The following P2RX3 variants were observed in gnomAD, a reference collection of about 807,000 sequenced individuals.
P2RX3 encodes P2X purinoceptor 3.
A neutral mutation model predicts 51.5 loss-of-function variants in P2RX3; 41 were observed. The observed-to-expected ratio is 0.80, with a 90% confidence interval of 0.62 to 1.03. The LOEUF is 1.03. Ranked by LOEUF, P2RX3 falls within the 50% of genes least tolerant of loss-of-function variation. The probability of loss-of-function intolerance (pLI) is 0.00; values close to 1 mark genes in which losing one functional copy is unlikely to be tolerated. For synonymous variants in P2RX3, 185 were observed against 191.6 expected (o/e 0.97, Z 0.29); for missense variants, 459 against 522.1 (o/e 0.88, Z 1.18).
rs370633407 is a variant in P2RX3 at position 57,348,243 on chromosome 11, G to A, written c.465G>A (p.Thr155=). The change falls in exon 5 of 12, where the codon ACG becomes ACA. Residue 155 remains threonine (T), a synonymous_variant. Coordinates refer to ENST00000263314, the MANE Select transcript of P2RX3 (RefSeq NM_002559.5). The stretch of plus-strand genomic sequence containing the variant: ...GTGAGATCCAGGGCTGGTGCCCCAC[G>A]GAGGTGGACACAGTGGAAACGTAAG... ...RTCEIQGWCP[T]EVDTVETPIM... is the part of the protein sequence containing the mutation. 3.1e-6 allele frequency: 5 copies of A among 1,604,034 alleles called. No individual in the cohort carries two copies. Among genetic ancestry groups the A allele is most frequent in the African/African-American group, 2.7e-5 (2 of 74,836 alleles).
At chr11:57,339,524 C>CAA (rs1001021666) in intron 1 of P2RX3, among the ~76,000 whole-genome samples, 1 of 151,872 alleles carries the variant, frequency 6.6e-6, no homozygotes, top group Non-Finnish European at 1.5e-5. Context: ...CACCTACACA[C>CAA]ACACACACAC....
At chr11:57,346,514 T>C (rs756826200) in intron 1 of P2RX3, 30 bp from the exon 2 acceptor site, 2 of 1,611,394 alleles carry the variant, frequency 1.2e-6, no homozygotes, top group East Asian at 2.2e-5. Context: ...GACTCCTCTC[T>C]TTCTCTTCAT....
In P2RX3 at chr11:57,370,029, G is replaced by A. The variant is rs375675131; in HGVS notation, c.*32G>A. ...TTTCCAGGGCCCCACACTCACAAAG[G>A]CTCCAGGCCTCCCCACAGAGGACCC... On this transcript the variant is annotated 3_prime_UTR_variant, in exon 12 of 12. Coordinates refer to ENST00000263314, the MANE Select transcript of P2RX3 (RefSeq NM_002559.5). The A allele has an allele frequency of 6.7e-6, 10 of 1,491,696 alleles. No individual in the cohort carries two copies. The African/African-American group carries it at 1.3e-4, about 19-fold the overall frequency. The allele number at this position is 1,491,696 out of a possible 1,614,324, so 92.4% of individuals were successfully genotyped here. A position where few individuals can be genotyped will look rare whatever the true frequency, so the allele number is the denominator to read the frequency against.
chr11:57,359,137 G>A (rs1039625376), intron 8 of P2RX3, among the ~76,000 whole-genome samples: 3 of 152,180 alleles, frequency 2.0e-5, no homozygotes, highest in African/African-American at 4.8e-5. Context: ...CCGCCCCCGC[G>A]GGAGGAATGG....
intron 7 of P2RX3, 149 bp downstream of exon 7, chr11:57,350,047 C>T: frequency 7.8e-7 from 1 of 1,276,952 alleles, no homozygotes; most frequent in Non-Finnish European, 1.1e-6. Flanking sequence ...TGGCTTTGTG[C>T]CTGAATCCTT....
At chr11:57,348,305 C>T in intron 5 of P2RX3, 42 bp downstream of exon 5, 2 of 1,528,296 alleles carry the variant, frequency 1.3e-6, no homozygotes, top group Non-Finnish European at 1.8e-6. Context: ...GCCCCCACCT[C>T]AGCTCCCCTT....
intron 1 of P2RX3, among the ~76,000 whole-genome samples, chr11:57,342,533 A>G (rs553291305): frequency 3.9e-5 from 6 of 152,000 alleles, no homozygotes; most frequent in South Asian, 2.1e-4. Flanking sequence ...CTCTCCCCCA[A>G]TATGGAACGT....
chr11:57,342,313 C>T (rs1176530803), intron 1 of P2RX3, among the ~76,000 whole-genome samples: 2 of 151,938 alleles, frequency 1.3e-5, no homozygotes, highest in African/African-American at 2.4e-5. Context: ...GCCTGTGCCA[C>T]GACGCCCGGC....
At chr11:57,337,509 G>T (rs2134399549), upstream of P2RX3, among the ~76,000 whole-genome samples, 1 of 152,100 alleles carries the variant, frequency 6.6e-6, no homozygotes, top group South Asian at 2.1e-4. Context: ...ATGAGTTCAT[G>T]TCCTTTGCAG....
rs542048211 is a variant in P2RX3 at position 57,363,496 on chromosome 11, C to G, written c.843-4513C>G. ...AGAGCCTCAGAGTCCTCTCCTGACT[C>G]CTGAGCAACTGGCCATCAGGTGAGG... On this transcript the variant is annotated intron_variant, in intron 8 of 11. Coordinates refer to ENST00000263314, the MANE Select transcript of P2RX3 (RefSeq NM_002559.5). Among the ~76,000 whole-genome samples the G allele has an allele frequency of 2.0e-5, 3 of 152,236 alleles. No individual in the cohort carries two copies. The South Asian group carries it at 6.2e-4, about 32-fold the overall frequency.
At chr11:57,338,926 G>A (rs973981782) in intron 1 of P2RX3, among the ~76,000 whole-genome samples, 1 of 152,186 alleles carries the variant, frequency 6.6e-6, no homozygotes, top group African/African-American at 2.4e-5. Flanking sequence ...GAGTAGTAGG[G>A]TCCCTGCCCC....
At chr11:57,341,739 T>A (rs1856343728) in intron 1 of P2RX3, among the ~76,000 whole-genome samples, 1 of 152,134 alleles carries the variant, frequency 6.6e-6, no homozygotes, top group Non-Finnish European at 1.5e-5. Flanking sequence ...GGAAGCTGCC[T>A]CCTTGCAAAC....
chr11:57,354,746 T>C lies in P2RX3; in HGVS notation c.842+3848T>C, dbSNP rs115853044. Among the ~76,000 whole-genome samples the C allele has an allele frequency of 1.6e-3, 239 of 152,098 alleles. 1 individual carries two copies. Among genetic ancestry groups the C allele is most frequent in the African/African-American group, 5.6e-3 (233 of 41,418 alleles). ...GTGAGTGTGTCAGTGTGTGTGTGTG[T>C]GCGTGAGTGTATAGGCATTGATGGT... is the stretch of plus-strand genomic sequence containing the variant. On this transcript the variant is annotated intron_variant, in intron 8 of 11. Transcript: ENST00000263314.
At chr11:57,349,347 T>C (rs1287207838) in intron 6 of P2RX3, among the ~76,000 whole-genome samples, 2 of 148,262 alleles carry the variant, frequency 1.3e-5, no homozygotes, top group African/African-American at 5.0e-5. Flanking sequence ...ACCCCTGTAA[T>C]CCCAGCTACT....
chr11:57,346,464 G>A, intron 1 of P2RX3, 80 bp from the exon 2 acceptor site: 2 of 1,547,034 alleles, frequency 1.3e-6, no homozygotes, highest in Admixed American at 1.8e-5. Context: ...AGTGTTGGCA[G>A]GAAGGTGACC....
At chr11:57,363,532 CAT>C (rs936928818) in intron 8 of P2RX3, among the ~76,000 whole-genome samples, 2 of 152,196 alleles carry the variant, frequency 1.3e-5, no homozygotes, top group African/African-American at 4.8e-5. Flanking sequence ...AAAGGGAAGA[CAT>C]AGAAGGTACA....
At chr11:57,366,213 C>G (rs1042499691) in intron 8 of P2RX3, among the ~76,000 whole-genome samples, 34 of 152,192 alleles carry the variant, frequency 2.2e-4, no homozygotes, top group Non-Finnish European at 8.8e-5. Context: ...AGCCACGCAG[C>G]AGGAAGTGCA....
At chr11:57,364,324 G>A (rs1165157889) in intron 8 of P2RX3, among the ~76,000 whole-genome samples, 2 of 152,202 alleles carry the variant, frequency 1.3e-5, no homozygotes, top group Admixed American at 1.3e-4. Context: ...GCCTCCAAGA[G>A]CTCAGAGGCA....
At chr11:57,347,890 C>G (rs1856470456) in intron 4 of P2RX3, among the ~76,000 whole-genome samples, 1 of 152,132 alleles carries the variant, frequency 6.6e-6, no homozygotes, top group Non-Finnish European at 1.5e-5. Flanking sequence ...ACAGAAGGAA[C>G]AGCTGCAGCA....
Sources: allele counts gnomAD v4.1 joint callset (sites outside exome capture counted in the v4.1 genomes callset), GRCh38; gene constraint gnomAD v4.1.1; transcripts MANE v1.5; gene names NCBI Gene and HGNC (gene_info 2026-07-23, HGNC 2026-07-21).